Variants in LARGE1 observed in about 807,000 individuals in gnomAD.
LARGE1 encodes LARGE xylosyl- and glucuronyltransferase 1.
LARGE1 carries 43 observed loss-of-function variants against 87.6 expected under a neutral mutation model. That is an observed-to-expected ratio of 0.49 (90% CI 0.38 to 0.63). LARGE1 has a LOEUF of 0.63. Among genes scored for constraint, LARGE1 ranks in the 30% least tolerant of loss-of-function variants. The pLI, the probability that LARGE1 is intolerant of heterozygous loss-of-function variation, is 0.00. For synonymous variants in LARGE1, 434 were observed against 394.6 expected, an observed-to-expected ratio of 1.10 and a Z score of -1.18; for missense variants, 802 against 1,000.2, an observed-to-expected ratio of 0.80 and a Z score of 2.67.
At chr22:33,378,403 G>A (rs145216678) in intron 9 of LARGE1, among the ~76,000 whole-genome samples, 27 of 152,164 alleles carry the variant, frequency 1.8e-4, no homozygotes, top group African/African-American at 5.1e-4. Context: ...CTGTTTATCC[G>A]CTGAGGATAA....
At chr22:33,902,656 CTG>C (rs957814030) in intron 1 of LARGE1, among the ~76,000 whole-genome samples, 3 of 152,198 alleles carry the variant, frequency 2.0e-5, no homozygotes, top group African/African-American at 7.2e-5. Flanking sequence ...CTAGGTGAAT[CTG>C]TTACTAATTT....
intron 2 of LARGE1, among the ~76,000 whole-genome samples, chr22:33,687,778 T>C (rs901201565): frequency 3.3e-5 from 5 of 152,176 alleles, no homozygotes; most frequent in African/African-American, 7.2e-5. Context: ...GAACCTGCTG[T>C]TCACCAGGTA....
At position 33,337,500 on chromosome 22, in the gene LARGE1, G is replaced by A. The variant is rs138816517; in HGVS notation, c.1287+146C>T. ...GACCCGCTGATGTACCTCTCTCCCC[G>A]ACTAGATGGTGGACCCTGGGCACCG... On this transcript the variant is annotated intron_variant, in intron 10 of 14. Coordinates refer to ENST00000397394, the MANE Select transcript of LARGE1 (RefSeq NM_133642.5). The A allele has an allele frequency of 0.012, 11,011 of 881,778 alleles. 101 individuals are homozygous for A. The highest frequency in any genetic ancestry group is 0.035 in the Middle Eastern group (105 of 3,028). The allele number at this position is 881,778 out of a possible 1,614,324, so 54.6% of individuals were successfully genotyped here.
intron 4 of LARGE1, among the ~76,000 whole-genome samples, chr22:33,613,533 C>G (rs1221441420): frequency 1.3e-5 from 2 of 152,104 alleles, no homozygotes; most frequent in Admixed American, 1.3e-4. Context: ...ACTCTTTTTG[C>G]CCAGGCTGGA....
At chr22:33,247,418 T>C (rs1019383074) in intron 11 of LARGE1, among the ~76,000 whole-genome samples, 2 of 152,168 alleles carry the variant, frequency 1.3e-5, no homozygotes, top group Admixed American at 1.3e-4. Flanking sequence ...TTACAGCTGA[T>C]AATTTTCTTC....
intron 2 of LARGE1, among the ~76,000 whole-genome samples, chr22:33,663,713 A>G (rs1319281156): frequency 1.3e-5 from 2 of 152,166 alleles, no homozygotes; most frequent in African/African-American, 4.8e-5. Context: ...GGTGAAATCT[A>G]CTGCACTTTA....
intron 11 of LARGE1, among the ~76,000 whole-genome samples, chr22:33,239,301 T>C (rs1442090181): frequency 5.3e-5 from 8 of 152,098 alleles, no homozygotes; most frequent in Admixed American, 5.2e-4. Context: ...AAGCAATTAG[T>C]GTAATTTACA....
the LARGE1 span, among the ~76,000 whole-genome samples, chr22:33,089,944 T>G: frequency 6.6e-6 from 1 of 150,868 alleles, no homozygotes; most frequent in African/African-American, 2.4e-5. Flanking sequence ...GTTTATGTGC[T>G]TAGGAGTCAA....
At chr22:33,914,827 C>T (rs1271856359) in intron 1 of LARGE1, among the ~76,000 whole-genome samples, 1 of 152,120 alleles carries the variant, frequency 6.6e-6, no homozygotes, top group African/African-American at 2.4e-5. Flanking sequence ...AGATCAGTAA[C>T]ACACTAATGT....
chr22:33,204,122 T>G (rs1222540353), intron 11 of LARGE1, among the ~76,000 whole-genome samples: 1 of 152,030 alleles, frequency 6.6e-6, no homozygotes, highest in East Asian at 1.9e-4. Context: ...AAAATCAGAT[T>G]AAAGCCTTTA....
intron 2 of LARGE1, among the ~76,000 whole-genome samples, chr22:33,714,566 A>G (rs534635128): frequency 6.6e-6 from 1 of 152,346 alleles, no homozygotes; most frequent in South Asian, 2.1e-4. Flanking sequence ...TGTAATATAA[A>G]TTTACCTTGA....
chr22:33,094,109 G>A, the LARGE1 span, among the ~76,000 whole-genome samples: 2 of 152,092 alleles, frequency 1.3e-5, no homozygotes, highest in African/African-American at 4.8e-5. Context: ...AGCTTGCATT[G>A]AGCATACTTT....
chr22:33,560,694 C>G (rs1219468672), intron 6 of LARGE1, among the ~76,000 whole-genome samples: 1 of 152,180 alleles, frequency 6.6e-6, no homozygotes, highest in Non-Finnish European at 1.5e-5. Flanking sequence ...TGCAGTACAG[C>G]CTCCTGGGTC....
chr22:33,089,323 T>TCTTCTTCTTCTTCTC, the LARGE1 span, among the ~76,000 whole-genome samples: 1 of 31,648 alleles, frequency 3.2e-5, no homozygotes, highest in South Asian at 1.2e-3. Context: ...CTTTCTTCTT[T>TCTTCTTCTTCTTCTC]CTTCTTCTTC....
intron 11 of LARGE1, among the ~76,000 whole-genome samples, chr22:33,213,820 A>ATTTTCT (rs1332297665): frequency 4.0e-5 from 6 of 151,792 alleles, no homozygotes; most frequent in African/African-American, 1.2e-4. Context: ...TTATTATGAT[A>ATTTTCT]TTTTCTTTTT....
intron 13 of LARGE1, among the ~76,000 whole-genome samples, chr22:33,279,016 C>A (rs1210760854): frequency 6.6e-6 from 1 of 152,190 alleles, no homozygotes; most frequent in East Asian, 1.9e-4. Flanking sequence ...CCACGGCCGG[C>A]TGGGTCACCT....
intron 1 of LARGE1, among the ~76,000 whole-genome samples, chr22:33,882,326 G>A (rs1057513928): frequency 1.2e-4 from 18 of 152,094 alleles, no homozygotes; most frequent in African/African-American, 3.9e-4. Context: ...CACCGCACCC[G>A]GCCAATTCTC....
the LARGE1 span, among the ~76,000 whole-genome samples, chr22:33,078,924 G>C: frequency 2.6e-5 from 4 of 152,186 alleles, no homozygotes; most frequent in South Asian, 2.1e-4. Flanking sequence ...AAAATATCAC[G>C]TGCAAAGGCA....
At chr22:33,496,411 G>T (rs1406154095) in intron 6 of LARGE1, among the ~76,000 whole-genome samples, 3 of 152,082 alleles carry the variant, frequency 2.0e-5, no homozygotes, top group Non-Finnish European at 4.4e-5. Flanking sequence ...GTCCTCATTA[G>T]TGAGATTAAT....
Sources: gnomAD v4.1 joint callset for allele counts (sites outside exome capture counted in the v4.1 genomes callset) on GRCh38, gnomAD v4.1.1 for gene constraint, MANE v1.5 for transcripts, NCBI Gene and HGNC (gene_info 2026-07-23, HGNC 2026-07-21) for gene names.